Variants in MACROD2 observed in about 807,000 individuals in gnomAD.
MACROD2 encodes the protein ADP-ribose glycohydrolase MACROD2.
Under a neutral mutation model 70.4 loss-of-function variants are expected in MACROD2, and 36 were observed. The observed-to-expected ratio is 0.51, with a 90% CI of 0.39 to 0.68. MACROD2 has a LOEUF of 0.68. Among genes scored for constraint, MACROD2 ranks in the 30% least tolerant of loss-of-function variants. The pLI, the probability that MACROD2 is intolerant of heterozygous loss-of-function variation, is 0.00. For synonymous variants in MACROD2, 172 were observed against 178.8 expected (o/e 0.96, Z 0.30); for missense variants, 496 against 538.4 (o/e 0.92, Z 0.78).
chr20:15,602,891 A>G (rs1440354244), intron 8 of MACROD2, among the ~76,000 whole-genome samples: 1 of 151,942 alleles, frequency 6.6e-6, no homozygotes, highest in Non-Finnish European at 1.5e-5. Context: ...GGGAGTTCTT[A>G]TAGTTTTTTT....
At chr20:15,584,542 A>C (rs1388124578) in intron 8 of MACROD2, among the ~76,000 whole-genome samples, 1 of 152,262 alleles carries the variant, frequency 6.6e-6, no homozygotes, top group Non-Finnish European at 1.5e-5. Flanking sequence ...TCTTTAAAGA[A>C]AAACCCTAAG....
intron 5 of MACROD2, among the ~76,000 whole-genome samples, chr20:15,137,779 TTAGA>T (rs1284359100): frequency 6.6e-6 from 1 of 152,092 alleles, no homozygotes; most frequent in Non-Finnish European, 1.5e-5. Context: ...ATATGCACAT[TTAGA>T]TAGATTTATT....
intron 3 of MACROD2, among the ~76,000 whole-genome samples, chr20:14,341,138 T>G (rs2083008684): frequency 6.6e-6 from 1 of 152,196 alleles, no homozygotes; most frequent in Non-Finnish European, 1.5e-5. Context: ...TCACATTCAT[T>G]TATTCATTCA....
At chr20:14,668,711 G>A (rs1308037620) in intron 4 of MACROD2, among the ~76,000 whole-genome samples, 2 of 152,000 alleles carry the variant, frequency 1.3e-5, no homozygotes, top group African/African-American at 4.8e-5. Flanking sequence ...CATGCTGTTC[G>A]TATTTCAGTA....
At chr20:14,555,939 T>G (rs1979002058) in intron 4 of MACROD2, among the ~76,000 whole-genome samples, 1 of 152,102 alleles carries the variant, frequency 6.6e-6, no homozygotes, top group Admixed American at 6.6e-5. Context: ...AATCTTCTAC[T>G]CAGCTGTTGC....
At chr20:14,263,489 C>T (rs1171268422) in intron 3 of MACROD2, among the ~76,000 whole-genome samples, 1 of 152,038 alleles carries the variant, frequency 6.6e-6, no homozygotes, top group Non-Finnish European at 1.5e-5. Context: ...AGCTTCTCTC[C>T]ACTTTCTCCC....
intron 8 of MACROD2, among the ~76,000 whole-genome samples, chr20:15,721,449 T>C (rs1248813137): frequency 6.6e-6 from 1 of 152,204 alleles, no homozygotes; most frequent in East Asian, 1.9e-4. Flanking sequence ...CCTTTCTTGA[T>C]CTCTGTTGTT....
intron 3 of MACROD2, among the ~76,000 whole-genome samples, chr20:14,256,087 T>A (rs1252447203): frequency 6.6e-6 from 1 of 152,048 alleles, no homozygotes; most frequent in African/African-American, 2.4e-5. Context: ...TTCCTAAGGG[T>A]CTCTTAGATT....
intron 8 of MACROD2, among the ~76,000 whole-genome samples, chr20:15,665,701 C>T (rs10485532): frequency 0.05 from 7,617 of 152,254 alleles, 316 homozygotes; most frequent in East Asian, 0.2. Context: ...GAAGATGGTG[C>T]ATCAAGCCAT....
chr20:15,136,809 C>T (rs1237021237), intron 5 of MACROD2, among the ~76,000 whole-genome samples: 1 of 152,018 alleles, frequency 6.6e-6, no homozygotes, highest in Non-Finnish European at 1.5e-5. Context: ...TCGCAACCTA[C>T]TCATCTTTCA....
chr20:14,550,034 T>G (rs1978548924), intron 4 of MACROD2, among the ~76,000 whole-genome samples: 1 of 151,836 alleles, frequency 6.6e-6, no homozygotes, highest in African/African-American at 2.4e-5. Context: ...GTTCAAGCAA[T>G]TCTTCTGCCT....
chr20:15,518,395 G>C (rs2047599520), intron 8 of MACROD2, among the ~76,000 whole-genome samples: 1 of 152,212 alleles, frequency 6.6e-6, no homozygotes, highest in African/African-American at 2.4e-5. Flanking sequence ...ATAGCGGATT[G>C]CTAATTAAAT....
intron 4 of MACROD2, among the ~76,000 whole-genome samples, chr20:14,526,210 A>G (rs111947170): frequency 6.6e-6 from 1 of 152,166 alleles, no homozygotes; most frequent in Non-Finnish European, 1.5e-5. Context: ...TGCATAGAAA[A>G]TATATTTTTT....
intron 8 of MACROD2, among the ~76,000 whole-genome samples, chr20:15,537,078 A>C (rs2047885788): frequency 6.6e-6 from 1 of 152,148 alleles, no homozygotes; most frequent in South Asian, 2.1e-4. Flanking sequence ...CATAATTCTC[A>C]CATATTGTAG....
chr20:14,242,896 TTTA>T (rs2081940971), intron 3 of MACROD2, among the ~76,000 whole-genome samples: 1 of 152,212 alleles, frequency 6.6e-6, no homozygotes, highest in Non-Finnish European at 1.5e-5. Context: ...TCTAAACTAT[TTTA>T]TTAATTTGTT....
chr20:15,106,529 C>A (rs2075911751), intron 5 of MACROD2, among the ~76,000 whole-genome samples: 1 of 152,164 alleles, frequency 6.6e-6, no homozygotes, highest in African/African-American at 2.4e-5. Context: ...ACAGTCCAAT[C>A]CAGGCTTGAA....
intron 3 of MACROD2, among the ~76,000 whole-genome samples, chr20:14,446,737 G>T (rs1198707365): frequency 6.6e-6 from 1 of 152,032 alleles, no homozygotes; most frequent in Non-Finnish European, 1.5e-5. Context: ...ACTTTTCACA[G>T]TTCCAACTCT....
At chr20:14,765,890 A>G (rs1159882614) in intron 5 of MACROD2, among the ~76,000 whole-genome samples, 1 of 151,898 alleles carries the variant, frequency 6.6e-6, no homozygotes, top group East Asian at 1.9e-4. Flanking sequence ...CCTTATGAAA[A>G]CCTGCTGTAC....
rs75961483 is a variant in MACROD2, at chr20:15,162,163, G to A, written c.419-67777G>A. ...AACGGACATTTGAATGACTTGCTGC[G>A]CTTTCAAGAAAGTAAAGGAGATCCC... On this transcript the variant is annotated intron_variant, in intron 5 of 17. Coordinates refer to ENST00000684519, the MANE Select transcript of MACROD2 (RefSeq NM_001351661.2). Among the ~76,000 whole-genome samples the A allele has an allele frequency of 9.2e-4, 140 of 152,090 alleles. 1 individual carries two copies. Among genetic ancestry groups the A allele is most frequent in the African/African-American group, 2.8e-3 (115 of 41,560 alleles).
Sources: gnomAD v4.1 joint callset for allele counts (sites outside exome capture counted in the v4.1 genomes callset) on GRCh38, gnomAD v4.1.1 for gene constraint, MANE v1.5 for transcripts, NCBI Gene and HGNC (gene_info 2026-07-23, HGNC 2026-07-21) for gene names.